The following MGAT4C variants were observed in gnomAD, a reference collection of about 807,000 sequenced individuals.
MGAT4C encodes MGAT4 family member C.
Under a neutral mutation model 40.1 loss-of-function variants are expected in MGAT4C, and 19 were observed. That is an observed-to-expected ratio of 0.47 (90% CI 0.33 to 0.70). The LOEUF is 0.70. Ranked by LOEUF, MGAT4C falls within the 30% of genes least tolerant of loss-of-function variation. The pLI is 0.02. For missense variants in MGAT4C, 491 were observed against 563.2 expected (o/e 0.87, Z 1.30); for synonymous variants, 181 against 187.1 (o/e 0.97, Z 0.27).
At chr12:86,085,149 G>A (rs987958491) in intron 1 of MGAT4C, among the ~76,000 whole-genome samples, 2 of 151,262 alleles carry the variant, frequency 1.3e-5, no homozygotes, top group Admixed American at 6.6e-5. Flanking sequence ...TTTCTGTTTT[G>A]TTCTTTCTTA....
At chr12:86,189,304 C>T (rs1236578484) in intron 1 of MGAT4C, among the ~76,000 whole-genome samples, 1 of 151,818 alleles carries the variant, frequency 6.6e-6, no homozygotes, top group Non-Finnish European at 1.5e-5. Flanking sequence ...TCACCTAAAA[C>T]ATTTTAATGT....
intron 2 of MGAT4C, among the ~76,000 whole-genome samples, chr12:86,039,083 T>TAGAGAGA (rs1891539501): frequency 3.4e-5 from 5 of 148,946 alleles, no homozygotes; most frequent in Non-Finnish European, 6.1e-5. Context: ...TCTTGTAGGG[T>TAGAGAGA]TTCACTGTTA....
At chr12:86,318,913 T>C (rs1375264267) in intron 4 of MGAT4C, among the ~76,000 whole-genome samples, 1 of 152,190 alleles carries the variant, frequency 6.6e-6, no homozygotes, top group East Asian at 1.9e-4. Flanking sequence ...TCTATGGTCT[T>C]ATACCTCAGT....
chr12:86,061,474 G>T (rs201096002), intron 1 of MGAT4C, among the ~76,000 whole-genome samples: 64 of 146,334 alleles, frequency 4.4e-4, no homozygotes, highest in South Asian at 6.6e-4. Flanking sequence ...TTTTTTTTTT[G>T]TTTTTTTTTT....
At chr12:86,359,910 A>G (rs550952277) in intron 3 of MGAT4C, among the ~76,000 whole-genome samples, 3 of 152,232 alleles carry the variant, frequency 2.0e-5, no homozygotes, top group Non-Finnish European at 4.4e-5. Context: ...TACAAAGAGG[A>G]GCTGGTACCA....
intron 1 of MGAT4C, among the ~76,000 whole-genome samples, chr12:86,814,763 C>A (rs945326412): frequency 1.3e-5 from 2 of 151,890 alleles, no homozygotes; most frequent in African/African-American, 2.4e-5. Flanking sequence ...ATAAAAGAGG[C>A]CCCAGAGAGC....
At chr12:86,797,884 A>G (rs1374284525) in intron 1 of MGAT4C, among the ~76,000 whole-genome samples, 1 of 151,968 alleles carries the variant, frequency 6.6e-6, no homozygotes, top group African/African-American at 2.4e-5. Flanking sequence ...TAATCTTACA[A>G]TTCATTGATT....
chr12:86,761,790 C>A (rs941332967), intron 1 of MGAT4C, among the ~76,000 whole-genome samples: 11 of 152,186 alleles, frequency 7.2e-5, no homozygotes, highest in Non-Finnish European at 1.3e-4. Context: ...TGGCTATTCT[C>A]TTGAACTTTT....
At chr12:86,475,140 T>C (rs923531107) in intron 2 of MGAT4C, among the ~76,000 whole-genome samples, 1 of 152,094 alleles carries the variant, frequency 6.6e-6, no homozygotes, top group African/African-American at 2.4e-5. Context: ...TTATTTGCAA[T>C]GTAACTTTTG....
chr12:86,047,254 A>C (rs2136957002), intron 2 of MGAT4C, among the ~76,000 whole-genome samples: 1 of 152,318 alleles, frequency 6.6e-6, no homozygotes, highest in African/African-American at 2.4e-5. Flanking sequence ...CAAAATGTAA[A>C]GAATCAAGTA....
chr12:86,490,169 G>C (rs1269442491), intron 2 of MGAT4C, among the ~76,000 whole-genome samples: 2 of 152,170 alleles, frequency 1.3e-5, no homozygotes, highest in Non-Finnish European at 2.9e-5. Context: ...AGGGCAGCCA[G>C]AGAGAAAGGT....
intron 1 of MGAT4C, among the ~76,000 whole-genome samples, chr12:86,738,157 T>C (rs1951013940): frequency 6.6e-6 from 1 of 151,460 alleles, no homozygotes; most frequent in Non-Finnish European, 1.5e-5. Flanking sequence ...CTACTCCGCC[T>C]TTATAATTTC....
At chr12:86,302,616 A>G (rs2136141090) in intron 4 of MGAT4C, among the ~76,000 whole-genome samples, 1 of 150,622 alleles carries the variant, frequency 6.6e-6, no homozygotes, top group East Asian at 2.0e-4. Flanking sequence ...TTTAGTAGAG[A>G]CAGGGTTTCA....
intron 4 of MGAT4C, among the ~76,000 whole-genome samples, chr12:86,274,662 T>C (rs1016904990): frequency 2.6e-5 from 4 of 152,292 alleles, no homozygotes; most frequent in East Asian, 1.9e-4. Flanking sequence ...TCATGGGCTA[T>C]ATGAAAAGCA....
At chr12:86,133,508 A>T (rs1230071273) in intron 1 of MGAT4C, among the ~76,000 whole-genome samples, 2 of 152,220 alleles carry the variant, frequency 1.3e-5, no homozygotes, top group Non-Finnish European at 2.9e-5. Context: ...TGGACAGCTT[A>T]TCTTTTATGA....
chr12:86,300,509 GAAAAACA>G (rs560017986), intron 4 of MGAT4C, among the ~76,000 whole-genome samples: 4 of 152,016 alleles, frequency 2.6e-5, no homozygotes, highest in South Asian at 2.1e-4. Context: ...GGGAAAGACA[GAAAAACA>G]AAAAACAAAA....
rs190907847 is a variant in MGAT4C at position 86,801,856 on chromosome 12, T to C, written c.-262+36810A>G. 4.2e-3 allele frequency among the ~76,000 whole-genome samples: 538 copies of C among 128,772 alleles called. 3 individuals carry two copies. The highest frequency in any genetic ancestry group is 0.019 in the Middle Eastern group (5 of 262). 84.5% of individuals were successfully genotyped at this position (128,772 alleles called of 152,430 possible). On this transcript the variant is annotated intron_variant, in intron 1 of 7. Transcript: ENST00000548651. Reference sequence around the variant, plus strand: ...TTCCAGAAATAGGTAATACAAAATGTTAAGGGAAATATTTTTATTTTATCA... The same window carrying C: ...TTCCAGAAATAGGTAATACAAAATGCTAAGGGAAATATTTTTATTTTATCA...
intron 2 of MGAT4C, among the ~76,000 whole-genome samples, chr12:86,723,683 T>C (rs1156756358): frequency 4.6e-5 from 7 of 152,034 alleles, no homozygotes; most frequent in African/African-American, 1.7e-4. Context: ...TCTATGGCAT[T>C]GGGGAACAAA....
intron 2 of MGAT4C, among the ~76,000 whole-genome samples, chr12:86,671,582 T>C (rs970768070): frequency 1.1e-4 from 16 of 152,032 alleles, no homozygotes; most frequent in Non-Finnish European, 2.2e-4. Flanking sequence ...AAGATACCCA[T>C]AGACTGAAAA....
Sources: gnomAD v4.1 joint callset for allele counts (sites outside exome capture counted in the v4.1 genomes callset) on GRCh38, gnomAD v4.1.1 for gene constraint, MANE v1.5 for transcripts, NCBI Gene and HGNC (gene_info 2026-07-23, HGNC 2026-07-21) for gene names.